MLIP: variants seen among roughly 807,000 people sequenced by gnomAD.
MLIP encodes muscular LMNA-interacting protein.
Under a neutral mutation model 84.8 loss-of-function variants are expected in MLIP, and 79 were observed. The ratio of observed to expected loss-of-function variants is 0.93; its 90% CI spans 0.78 to 1.12. The LOEUF (loss-of-function observed/expected upper bound fraction) is 1.12. Among genes scored for constraint, MLIP ranks in the 50% most tolerant of loss-of-function variants. The pLI is 0.00. For synonymous variants in MLIP, 504 were observed against 463.0 expected (o/e 1.09, Z -1.14); for missense variants, 1,257 against 1,160.6 (o/e 1.08, Z -1.21).
At chr6:54,135,354 C>T (rs1043452093) in intron 3 of MLIP, among the ~76,000 whole-genome samples, 5 of 151,944 alleles carry the variant, frequency 3.3e-5, no homozygotes, top group African/African-American at 9.7e-5. Flanking sequence ...TTCCGTGTTG[C>T]AAAGATACAA....
At position 54,138,125 on chromosome 6, in the gene MLIP, G is replaced by A. The variant is rs1771979597; in HGVS notation, c.2056G>A (p.Gly686Ser). The change falls in exon 4 of 14, where the codon GGT becomes AGT. Residue 686 changes from glycine to serine, a missense_variant. Transcript: ENST00000502396. ...PSALHPHCGS[G>S]TLPSRLGKSE... ...AGCTCTGCACCCACATTGCGGCAGT[G>A]GTACCTTGCCTTCAAGACTTGGGAA... 2 of 1,535,920 alleles carry A rather than the reference G, an allele frequency of 1.3e-6. No homozygotes were observed. Among genetic ancestry groups the A allele is most frequent in the Admixed American group, 2.0e-5 (1 of 50,962 alleles).
At chr6:54,177,973 AT>A (rs1554171463) in intron 9 of MLIP, among the ~76,000 whole-genome samples, 4 of 152,066 alleles carry the variant, frequency 2.6e-5, no homozygotes, top group Non-Finnish European at 5.9e-5. Context: ...ATATTCTCAC[AT>A]ATAAGTGGGA....
intron 1 of MLIP, among the ~76,000 whole-genome samples, chr6:54,042,319 G>T (rs531041905): frequency 1.3e-5 from 2 of 152,168 alleles, no homozygotes; most frequent in South Asian, 4.1e-4. Flanking sequence ...GGATGTAGCA[G>T]TTCCTATCTG....
At chr6:54,193,403 G>T (rs1778082529) in intron 10 of MLIP, among the ~76,000 whole-genome samples, 1 of 152,102 alleles carries the variant, frequency 6.6e-6, no homozygotes, top group South Asian at 2.1e-4. Flanking sequence ...TAAAATCTGT[G>T]AATGATGAAG....
At chr6:54,264,010 G>T (rs988319130) in intron 13 of MLIP, among the ~76,000 whole-genome samples, 1 of 152,012 alleles carries the variant, frequency 6.6e-6, no homozygotes, top group Non-Finnish European at 1.5e-5. Flanking sequence ...ACTTCACAAA[G>T]TGTCTAAAAC....
intron 8 of MLIP, among the ~76,000 whole-genome samples, chr6:54,167,728 G>A (rs182868121): frequency 2.0e-5 from 3 of 151,880 alleles, no homozygotes; most frequent in South Asian, 2.1e-4. Flanking sequence ...GTCAGACATT[G>A]GGAGCACTAG....
At chr6:54,190,725 C>T (rs1777824002) in intron 10 of MLIP, among the ~76,000 whole-genome samples, 1 of 150,984 alleles carries the variant, frequency 6.6e-6, no homozygotes, top group African/African-American at 2.4e-5. Context: ...TTTTGTATTT[C>T]TTATGCTTAC....
intron 12 of MLIP, among the ~76,000 whole-genome samples, chr6:54,238,714 T>C (rs949095047): frequency 2.0e-5 from 3 of 152,092 alleles, no homozygotes; most frequent in African/African-American, 7.2e-5. Flanking sequence ...AGTGAAAACT[T>C]GAGAGGTTTT....
intron 1 of MLIP, among the ~76,000 whole-genome samples, chr6:54,030,308 T>C (rs929407229): frequency 1.3e-5 from 2 of 152,210 alleles, no homozygotes; most frequent in Non-Finnish European, 2.9e-5. Flanking sequence ...AAGCATTACA[T>C]AGAGGTAAAA....
intron 1 of MLIP, among the ~76,000 whole-genome samples, chr6:54,082,505 T>A (rs773620213): frequency 6.6e-6 from 1 of 152,200 alleles, no homozygotes; most frequent in Non-Finnish European, 1.5e-5. Context: ...CGGATTACAA[T>A]TCAGAGATGA....
intron 5 of MLIP, among the ~76,000 whole-genome samples, chr6:54,150,316 C>G (rs1284028261): frequency 1.3e-5 from 2 of 152,160 alleles, no homozygotes; most frequent in Non-Finnish European, 2.9e-5. Context: ...TCCTGAATTT[C>G]TACCCCTTAT....
rs1416691748 is a variant in MLIP, at chr6:54,144,457, A to G, written c.2218-4599A>G. Among the ~76,000 whole-genome samples, 6 of 152,270 alleles carry G rather than the reference A, an allele frequency of 3.9e-5. 1 individual carries two copies. Among genetic ancestry groups the G allele is most frequent in the East Asian group, 1.9e-4 (1 of 5,188 alleles). ...CAGTTTTATGGAAGACAGTTTTTCC[A>G]TGGATTGAGGGTTTGGGGATGGTTT... On this transcript the variant is annotated intron_variant, in intron 4 of 13. Coordinates refer to ENST00000502396, the MANE Select transcript of MLIP (RefSeq NM_001281747.2).
chr6:54,078,721 G>A (rs1367608080), intron 1 of MLIP, among the ~76,000 whole-genome samples: 2 of 123,120 alleles, frequency 1.6e-5, no homozygotes, highest in African/African-American at 3.2e-5. Context: ...ATGGAGTCTC[G>A]GCTCTTGTCA....
intron 1 of MLIP, among the ~76,000 whole-genome samples, chr6:54,098,128 A>C (rs1389530545): frequency 6.7e-6 from 1 of 148,480 alleles, no homozygotes; most frequent in Non-Finnish European, 1.5e-5. Flanking sequence ...CCGAATGTTA[A>C]GTCTTGGGGA....
chr6:54,189,975 T>G, intron 10 of MLIP, 61 bp downstream of exon 10: 1 of 1,122,432 alleles, frequency 8.9e-7, no homozygotes, highest in Non-Finnish European at 1.3e-6. Flanking sequence ...GAGCTTTACC[T>G]GAGTAAAAGT....
At chr6:54,026,619 C>T (rs1763816961) in intron 1 of MLIP, among the ~76,000 whole-genome samples, 1 of 151,732 alleles carries the variant, frequency 6.6e-6, no homozygotes, top group South Asian at 2.1e-4. Flanking sequence ...TGCATAATGG[C>T]AAAATGAGGA....
chr6:54,049,964 A>C (rs1235581689), intron 1 of MLIP, among the ~76,000 whole-genome samples: 8 of 152,204 alleles, frequency 5.3e-5, no homozygotes. Flanking sequence ...GTGACAGTTT[A>C]ATAATTGTCT....
At chr6:54,057,111 C>T (rs1765705428) in intron 1 of MLIP, among the ~76,000 whole-genome samples, 1 of 152,126 alleles carries the variant, frequency 6.6e-6, no homozygotes, top group South Asian at 2.1e-4. Flanking sequence ...TACTTCTATC[C>T]CAGTTTTTCA....
intron 9 of MLIP, among the ~76,000 whole-genome samples, chr6:54,179,864 T>C (rs1237341001): frequency 2.0e-5 from 3 of 152,168 alleles, no homozygotes; most frequent in Non-Finnish European, 4.4e-5. Context: ...ATATTCTGTG[T>C]TTTTCTGTGT....
Sources: allele counts gnomAD v4.1 joint callset (sites outside exome capture counted in the v4.1 genomes callset), GRCh38; gene constraint gnomAD v4.1.1; transcripts MANE v1.5; gene names NCBI Gene and HGNC (gene_info 2026-07-23, HGNC 2026-07-21).